Variants in GDAP1L1 observed in about 807,000 individuals in gnomAD.
GDAP1L1 encodes the protein ganglioside-induced differentiation-associated protein 1-like 1.
In GDAP1L1, 21 loss-of-function variants were observed where a neutral mutation model predicts 37.1. That is an observed-to-expected ratio of 0.57 (90% CI 0.40 to 0.81). The LOEUF is 0.81. Among genes scored for constraint, GDAP1L1 ranks in the 40% least tolerant of loss-of-function variants. The probability of loss-of-function intolerance (pLI) is 0.00; values close to 1 mark genes in which losing one functional copy is unlikely to be tolerated. For missense variants in GDAP1L1, 362 were observed against 491.6 expected (o/e 0.74, Z 2.49); for synonymous variants, 193 against 209.1 (o/e 0.92, Z 0.67).
chr20:44,258,275 C>A, intron 2 of GDAP1L1, 159 bp from the exon 3 acceptor site: 1 of 760,414 alleles, frequency 1.3e-6, no homozygotes, highest in African/African-American at 1.7e-5. Flanking sequence ...GATGGCCGGG[C>A]CACCACTAGA....
chr20:44,279,138 C>T lies in GDAP1L1; in HGVS notation c.942C>T (p.Val314=), dbSNP rs187510470. Residue 314 remains valine (V), a synonymous_variant, in exon 6 of 6, where the codon GTC becomes GTT. Transcript: ENST00000342560. ...RVQRRFAFRK[V]LGDIHTTLLS... is the part of the protein sequence containing the mutation. Reference sequence around the variant, plus strand: ...AGAGACGCTTTGCCTTCCGGAAAGTCCTGGGTGACATCCACACCACCCTGC... The same window carrying T: ...AGAGACGCTTTGCCTTCCGGAAAGTTCTGGGTGACATCCACACCACCCTGC... The T allele has an allele frequency of 6.2e-7, 1 of 1,614,160 alleles. No individual in the cohort carries two copies. The highest frequency in any genetic ancestry group is 2.2e-5 in the East Asian group (1 of 44,886).
At chr20:44,275,993 T>C (rs1386612013) in intron 5 of GDAP1L1, among the ~76,000 whole-genome samples, 1 of 152,054 alleles carries the variant, frequency 6.6e-6, no homozygotes, top group Non-Finnish European at 1.5e-5. Context: ...GCTTAACCCC[T>C]TTATAATATG....
intron 5 of GDAP1L1, among the ~76,000 whole-genome samples, chr20:44,273,246 T>C (rs917982296): frequency 6.6e-6 from 1 of 152,188 alleles, no homozygotes; most frequent in African/African-American, 2.4e-5. Flanking sequence ...TTTATAGAGT[T>C]GTTGGAAGAT....
At chr20:44,269,932 G>C (rs1242216643) in intron 5 of GDAP1L1, among the ~76,000 whole-genome samples, 1 of 152,136 alleles carries the variant, frequency 6.6e-6, no homozygotes, top group Non-Finnish European at 1.5e-5. Flanking sequence ...GTGAGTTTGT[G>C]ACACCCAAGA....
chr20:44,258,852 A>AC (rs2073617376), intron 3 of GDAP1L1, among the ~76,000 whole-genome samples: 1 of 147,156 alleles, frequency 6.8e-6, no homozygotes, highest in Non-Finnish European at 1.5e-5. Context: ...CATCCCCTTC[A>AC]CCCCCGACTT....
At position 44,280,625 on chromosome 20, in the gene GDAP1L1, G is replaced by T. The variant is rs1326360980; in HGVS notation, c.*1325G>T. ...TTACAGGGCATGTGTACAACCCTTT[G>T]TTCTCATTAACCTGTGCAAGGGCCA... On this transcript the variant is annotated 3_prime_UTR_variant, in exon 6 of 6. Coordinates refer to ENST00000342560, the MANE Select transcript of GDAP1L1 (RefSeq NM_024034.6). 3.3e-5 allele frequency: 5 copies of T among 152,154 alleles called. No individual in the cohort carries two copies. Among genetic ancestry groups the T allele is most frequent in the Non-Finnish European group, 7.3e-5 (5 of 68,036 alleles). 9.4% of individuals were successfully genotyped at this position (152,154 alleles called of 1,614,324 possible).
At chr20:44,270,025 C>A (rs1454871339) in intron 5 of GDAP1L1, among the ~76,000 whole-genome samples, 1 of 152,098 alleles carries the variant, frequency 6.6e-6, no homozygotes, top group African/African-American at 2.4e-5. Flanking sequence ...AGTTCTCAGC[C>A]AATACATGGT....
rs763926162 is a variant in GDAP1L1, at chr20:44,279,350, G to T, written c.*50G>T. The T allele has an allele frequency of 5.8e-6, 7 of 1,196,824 alleles. No individual in the cohort carries two copies. The highest frequency in any genetic ancestry group is 8.6e-6 in the Non-Finnish European group (7 of 816,270). The allele number at this position is 1,196,824 out of a possible 1,614,324, so 74.1% of individuals were successfully genotyped here. A position where few individuals can be genotyped will look rare whatever the true frequency, so the allele number is the denominator to read the frequency against. Reference sequence around the variant, plus strand: ...GACTGTCGGTGTCTCTGTGCTGTGTGATTCCCCGTGAGCTCTCAGTAACTC... The same window carrying T: ...GACTGTCGGTGTCTCTGTGCTGTGTTATTCCCCGTGAGCTCTCAGTAACTC... On this transcript the variant is annotated 3_prime_UTR_variant, in exon 6 of 6. Coordinates refer to ENST00000342560, the MANE Select transcript of GDAP1L1 (RefSeq NM_024034.6).
intron 5 of GDAP1L1, chr20:44,265,277 C>T (rs2073743679): frequency 1.0e-6 from 1 of 985,346 alleles, no homozygotes; most frequent in Non-Finnish European, 1.2e-6. Flanking sequence ...TTTGCTCCCA[C>T]AGCCCCTCCC....
intron 4 of GDAP1L1, 131 bp downstream of exon 4, chr20:44,263,458 C>A: frequency 1.4e-6 from 1 of 701,416 alleles, no homozygotes; most frequent in Non-Finnish European, 2.5e-6. Flanking sequence ...TTTTCCAATC[C>A]TGTCCCCTGC....
At chr20:44,263,067 C>T (rs965803264) in intron 3 of GDAP1L1, among the ~76,000 whole-genome samples, 163 bp from the exon 4 acceptor site, 5 of 152,128 alleles carry the variant, frequency 3.3e-5, no homozygotes, top group Non-Finnish European at 7.4e-5. Flanking sequence ...GCATCTCATC[C>T]ATCACTACGG....
rs772627562 is a variant in GDAP1L1, at chr20:44,258,614, G to A, written c.547+7G>A. The A allele has an allele frequency of 2.5e-5, 40 of 1,590,342 alleles. No individual in the cohort carries two copies. The highest frequency in any genetic ancestry group is 3.3e-5 in the Non-Finnish European group (38 of 1,167,690). On this transcript the variant is annotated splice_region_variant and intron_variant, in intron 3 of 5. Transcript: ENST00000342560. ...GCCACGGCCGAGATCCGCAGTGAGT[G>A]CCAGGGCGGCGAGACAGCCCCTCTG...
At chr20:44,278,174 AAAAG>A (rs1446169436) in intron 5 of GDAP1L1, among the ~76,000 whole-genome samples, 3 of 151,266 alleles carry the variant, frequency 2.0e-5, no homozygotes, top group Admixed American at 1.3e-4. Context: ...AAAAAAAAGA[AAAAG>A]AAAGAAAGAG....
At chr20:44,262,413 G>A (rs2073689011) in intron 3 of GDAP1L1, among the ~76,000 whole-genome samples, 1 of 152,128 alleles carries the variant, frequency 6.6e-6, no homozygotes, top group Non-Finnish European at 1.5e-5. Flanking sequence ...AATCTGGCTG[G>A]GCTTTGTGTT....
upstream of GDAP1L1, chr20:44,247,288 C>T: frequency 6.3e-7 from 1 of 1,595,870 alleles, no homozygotes; most frequent in Non-Finnish European, 8.6e-7. Flanking sequence ...GAGAGAGAGC[C>T]GCCGCGCCGG....
rs1421490964 is a variant in GDAP1L1 at position 44,279,033 on chromosome 20, C to T, written c.837C>T (p.Arg279=). 1 of 1,614,166 alleles carries T rather than the reference C, an allele frequency of 6.2e-7. No individual in the cohort carries two copies. Among genetic ancestry groups the T allele is most frequent in the Non-Finnish European group, 8.5e-7 (1 of 1,180,000 alleles). ...ADVLLGATLH[R]LKFLGLSKKY... ...TCCTCCTGGGAGCCACCCTGCACCG[C>T]CTCAAGTTCCTGGGACTGTCCAAGA... Residue 279 remains arginine, a synonymous_variant, in exon 6 of 6, where the codon CGC becomes CGT. Transcript: ENST00000342560.
At chr20:44,252,401 A>G (rs2073462525) in intron 1 of GDAP1L1, among the ~76,000 whole-genome samples, 1 of 152,202 alleles carries the variant, frequency 6.6e-6, no homozygotes, top group African/African-American at 2.4e-5. Context: ...GCACTTTGGG[A>G]GGCCAAGGCA....
Position 44,255,019 on chromosome 20 carries a change from A to T in GDAP1L1, c.181-2134A>T, listed in dbSNP as rs974330832. ...TTCACGGAAGCTAGAAATCAGAGAG[A>T]GCAAGTGACTTGTTCAAGGTCACAC... On this transcript the variant is annotated intron_variant, in intron 1 of 5. Transcript: ENST00000342560. 2.0e-5 allele frequency among the ~76,000 whole-genome samples: 3 copies of T among 152,132 alleles called. No individual in the cohort carries two copies. The East Asian group carries it at 5.8e-4, about 29-fold the overall frequency.
At chr20:44,265,440 G>A (rs2073746904) in intron 5 of GDAP1L1, 17 of 985,406 alleles carry the variant, frequency 1.7e-5, no homozygotes, top group Non-Finnish European at 2.0e-5. Context: ...GCAAATTTAT[G>A]GTGCATTTGC....
Sources: gnomAD v4.1 joint callset for allele counts (sites outside exome capture counted in the v4.1 genomes callset) on GRCh38, gnomAD v4.1.1 for gene constraint, MANE v1.5 for transcripts, NCBI Gene and HGNC (gene_info 2026-07-23, HGNC 2026-07-21) for gene names.